The following PTCHD4 variants were observed in gnomAD, a reference collection of about 807,000 sequenced individuals.
PTCHD4 encodes the protein patched domain containing 4.
PTCHD4 carries 33 observed loss-of-function variants against 58.1 expected under a neutral mutation model. The ratio of observed to expected loss-of-function variants is 0.57; its 90% CI spans 0.43 to 0.76. PTCHD4 has a LOEUF of 0.76. PTCHD4 is among the 30% of genes least tolerant of loss of function. PTCHD4 has a pLI of 0.00. For missense variants in PTCHD4, 1,058 were observed against 1,027.1 expected, an observed-to-expected ratio of 1.03 and a Z score of -0.41; for synonymous variants, 478 against 409.6, an observed-to-expected ratio of 1.17 and a Z score of -2.02.
At chr6:47,959,745 A>G (rs1357035323) in intron 4 of PTCHD4, among the ~76,000 whole-genome samples, 1 of 152,056 alleles carries the variant, frequency 6.6e-6, no homozygotes, top group Non-Finnish European at 1.5e-5. Flanking sequence ...GTGAGAAGAT[A>G]ATGGAACAAC....
At chr6:48,035,779 G>A (rs1763610292) in intron 3 of PTCHD4, among the ~76,000 whole-genome samples, 1 of 152,136 alleles carries the variant, frequency 6.6e-6, no homozygotes, top group Non-Finnish European at 1.5e-5. Context: ...GCCTTCAGCA[G>A]GAATCCTGTC....
At chr6:47,953,957 T>A (rs1046592313) in intron 4 of PTCHD4, among the ~76,000 whole-genome samples, 5 of 152,342 alleles carry the variant, frequency 3.3e-5, no homozygotes, top group Middle Eastern at 3.4e-3. Context: ...GGCAGTATAT[T>A]TTTTTAACTA....
chr6:48,068,449 G>A lies in PTCHD4; in HGVS notation c.198C>T (p.Asp66=). The change falls in exon 3 of 5, where the codon GAC becomes GAT. Residue 66 remains aspartate, a synonymous_variant. Transcript: ENST00000339488. This position sits in a 1 kb window ranked among gnomAD's most constrained non-coding sequence, Gnocchi z 4.2. ...SALNRFQPEG[D]LERLVAPSHS... ...GGCTGGGAGCGACCAGGCGCTCCAG[G>A]TCGCCCTCGGGCTGGAAGCGGTTGA... 2 of 1,613,842 alleles carry A rather than the reference G, an allele frequency of 1.2e-6. No homozygotes were observed. Among genetic ancestry groups the A allele is most frequent in the South Asian group, 1.1e-5 (1 of 91,072 alleles).
intron 4 of PTCHD4, among the ~76,000 whole-genome samples, chr6:47,931,060 C>T (rs1224713624): frequency 2.0e-5 from 3 of 152,258 alleles, no homozygotes; most frequent in Non-Finnish European, 2.9e-5. Flanking sequence ...GCTGGGATTA[C>T]AGGCGTGAGC....
At chr6:48,093,732 T>C (rs1387957298) in intron 1 of PTCHD4, among the ~76,000 whole-genome samples, 2 of 146,094 alleles carry the variant, frequency 1.4e-5, no homozygotes, top group Non-Finnish European at 1.5e-5. Flanking sequence ...AACTATAACT[T>C]TAAAGGAAGA....
rs534473930 is a variant in PTCHD4 at position 48,069,738 on chromosome 6, A to G, written c.-781T>C. 7.0e-4 allele frequency among the ~76,000 whole-genome samples: 107 copies of G among 152,292 alleles called. No individual in the cohort carries two copies. The highest frequency in any genetic ancestry group is 8.5e-4 in the Non-Finnish European group (58 of 68,028). ...AATATGAGGTTTCTCATAACATGTT[A>G]CATTCACTTTCTGTATTCTTGAGAT... is the stretch of plus-strand genomic sequence containing the variant. On this transcript the variant is annotated 5_prime_UTR_variant, in exon 2 of 5. It removes the in-frame stop codon of an upstream open reading frame in the 5' UTR. Coordinates refer to ENST00000339488, the MANE Select transcript of PTCHD4 (RefSeq NM_001384253.1).
At chr6:47,997,161 T>C (rs887085920) in intron 4 of PTCHD4, among the ~76,000 whole-genome samples, 6 of 152,182 alleles carry the variant, frequency 3.9e-5, no homozygotes, top group Admixed American at 3.9e-4. Flanking sequence ...AAAACCTACA[T>C]GTTAGGTGCC....
Position 48,068,173 on chromosome 6 carries a change from C to T in PTCHD4, c.417+57G>A. 1 of 1,492,166 alleles carries T rather than the reference C, an allele frequency of 6.7e-7. No individual in the cohort carries two copies. Among genetic ancestry groups the T allele is most frequent in the Non-Finnish European group, 9.0e-7 (1 of 1,112,262 alleles). The allele number at this position is 1,492,166 out of a possible 1,614,324, so 92.4% of individuals were successfully genotyped here. On this transcript the variant is annotated intron_variant, in intron 3 of 4. Transcript: ENST00000339488. This position sits in a 1 kb window ranked among gnomAD's most constrained non-coding sequence, Gnocchi z 4.2. ...TATCATCCAGCACGCATTTCTTATC[C>T]TGATTTCTCAACACACACAGATGGG...
At chr6:48,106,696 G>A (rs1765733048) in intron 1 of PTCHD4, among the ~76,000 whole-genome samples, 1 of 152,158 alleles carries the variant, frequency 6.6e-6, no homozygotes, top group African/African-American at 2.4e-5. Context: ...TGAATGTCTA[G>A]AAAACCCCAT....
intron 3 of PTCHD4, among the ~76,000 whole-genome samples, chr6:48,020,560 G>A (rs1763030617): frequency 6.6e-6 from 1 of 151,982 alleles, no homozygotes; most frequent in Admixed American, 6.6e-5. Flanking sequence ...TACATGTAGT[G>A]AATATCTGGG....
At chr6:48,064,626 C>T (rs1437452565) in intron 3 of PTCHD4, among the ~76,000 whole-genome samples, 1 of 151,842 alleles carries the variant, frequency 6.6e-6, no homozygotes, top group Admixed American at 6.6e-5. Context: ...CAAAGAATAC[C>T]TTTATAATAA....
At chr6:47,904,850 A>C (rs1328988) in intron 4 of PTCHD4, among the ~76,000 whole-genome samples, 71,909 of 151,984 alleles carry the variant, frequency 0.47, 18,300 homozygotes, top group East Asian at 0.75. Flanking sequence ...AATGCTATGA[A>C]GAAAAGGCTT....
At chr6:48,064,718 G>A (rs1422711835) in intron 3 of PTCHD4, among the ~76,000 whole-genome samples, 1 of 152,052 alleles carries the variant, frequency 6.6e-6, no homozygotes, top group Non-Finnish European at 1.5e-5. Flanking sequence ...ATAAGTTAAT[G>A]ACTATTTGTT....
intron 1 of PTCHD4, among the ~76,000 whole-genome samples, chr6:48,109,603 T>C (rs1243353464): frequency 6.6e-6 from 1 of 152,000 alleles, no homozygotes; most frequent in East Asian, 1.9e-4. Context: ...AAACAATCAA[T>C]GAAATGAGAA....
chr6:47,956,843 A>G (rs1020302619), intron 4 of PTCHD4, among the ~76,000 whole-genome samples: 1 of 152,266 alleles, frequency 6.6e-6, no homozygotes, highest in Non-Finnish European at 1.5e-5. Flanking sequence ...GTCTTAGAGC[A>G]GTGAGAATTT....
intron 4 of PTCHD4, among the ~76,000 whole-genome samples, chr6:47,943,058 G>A (rs568942619): frequency 3.7e-4 from 56 of 152,258 alleles, no homozygotes; most frequent in African/African-American, 1.3e-3. Flanking sequence ...CATTCCAGCT[G>A]AATGCACGTA....
At chr6:47,926,445 A>C (rs1765617368) in intron 4 of PTCHD4, among the ~76,000 whole-genome samples, 5 of 152,218 alleles carry the variant, frequency 3.3e-5, no homozygotes, top group Admixed American at 3.3e-4. Context: ...TACTTTATGC[A>C]TTGCTACTCA....
chr6:48,065,429 T>C (rs1035153274), intron 3 of PTCHD4, among the ~76,000 whole-genome samples: 16 of 152,144 alleles, frequency 1.1e-4, no homozygotes, highest in African/African-American at 3.4e-4. Context: ...AAAATACATA[T>C]AAAAATTTTC....
intron 4 of PTCHD4, among the ~76,000 whole-genome samples, chr6:47,912,167 A>G (rs562025238): frequency 1.6e-4 from 25 of 152,104 alleles, no homozygotes; most frequent in Non-Finnish European, 2.9e-4. Flanking sequence ...GTTTTGCTCA[A>G]GGGACAAAAG....
Sources: gnomAD v4.1 joint callset for allele counts (sites outside exome capture counted in the v4.1 genomes callset) on GRCh38, gnomAD v4.1.1 for gene constraint, Gnocchi (gnomAD v3.1) non-coding constraint, MANE v1.5 for transcripts, NCBI Gene and HGNC (gene_info 2026-07-23, HGNC 2026-07-21) for gene names.